Variants in MYO9A observed in about 807,000 individuals in gnomAD.
The protein encoded by MYO9A is myosin IXA, also known as unconventional myosin-IXa.
A neutral mutation model predicts 293.3 loss-of-function variants in MYO9A; 103 were observed. The observed-to-expected ratio is 0.35, with a 90% CI of 0.30 to 0.41. The LOEUF is 0.41. Ranked by LOEUF, MYO9A falls within the 10% of genes least tolerant of loss-of-function variation. MYO9A has a pLI of 1.00. For missense variants in MYO9A, 2,685 were observed against 3,033.0 expected (o/e 0.89, Z 2.69); for synonymous variants, 1,001 against 1,035.7 (o/e 0.97, Z 0.64).
At chr15:72,049,607 A>G (rs1260108724) in intron 1 of MYO9A, among the ~76,000 whole-genome samples, 1 of 152,234 alleles carries the variant, frequency 6.6e-6, no homozygotes. Flanking sequence ...CAGGCAAGTA[A>G]GCATTACTGC....
chr15:72,024,911 A>C (rs898605695), intron 4 of MYO9A, among the ~76,000 whole-genome samples: 1 of 152,214 alleles, frequency 6.6e-6, no homozygotes, highest in East Asian at 1.9e-4. Flanking sequence ...ATAGAAGAAC[A>C]GAAGAACAAA....
intron 1 of MYO9A, among the ~76,000 whole-genome samples, chr15:72,103,423 A>AAGC (rs1171430518): frequency 6.8e-6 from 1 of 146,084 alleles, no homozygotes; most frequent in East Asian, 2.0e-4. Context: ...GCAGCAGCAG[A>AAGC]AGCAGCAGCA....
chr15:71,994,670 A>C, intron 9 of MYO9A, 85 bp from the exon 10 acceptor site: 1 of 662,116 alleles, frequency 1.5e-6, no homozygotes, highest in Non-Finnish European at 2.5e-6. Context: ...CATTCAAGAA[A>C]GAAACTTACT....
intron 39 of MYO9A, among the ~76,000 whole-genome samples, chr15:71,835,461 T>C (rs1184664858): frequency 6.6e-6 from 1 of 151,974 alleles, no homozygotes; most frequent in Non-Finnish European, 1.5e-5. Context: ...AGATGAAAAA[T>C]ACCAAAATCA....
intron 1 of MYO9A, among the ~76,000 whole-genome samples, chr15:72,088,764 G>A (rs1267225264): frequency 2.0e-5 from 3 of 152,150 alleles, no homozygotes; most frequent in African/African-American, 7.2e-5. Context: ...CTGACTGACA[G>A]AGACGTTCCC....
intron 1 of MYO9A, among the ~76,000 whole-genome samples, chr15:72,103,426 C>CAGCAGCAGCAGAAGCAGA (rs1240692645): frequency 3.5e-5 from 5 of 142,714 alleles, no homozygotes; most frequent in African/African-American, 5.2e-5. Flanking sequence ...GCAGCAGAAG[C>CAGCAGCAGCAGAAGCAGA]AGCAGCAGCA....
chr15:72,093,494 C>T (rs1312515100), intron 1 of MYO9A, among the ~76,000 whole-genome samples: 1 of 152,160 alleles, frequency 6.6e-6, no homozygotes, highest in Non-Finnish European at 1.5e-5. Context: ...CGAGATCACA[C>T]CACTGCACTC....
At position 71,897,643 on chromosome 15, in the gene MYO9A, T is replaced by C. The variant is rs780111182; in HGVS notation, c.4860A>G (p.Leu1620=). The C allele has an allele frequency of 1.4e-5, 22 of 1,614,184 alleles. No individual in the cohort carries two copies. Among genetic ancestry groups the C allele is most frequent in the Non-Finnish European group, 1.9e-5 (22 of 1,180,010 alleles). Residue 1620 remains leucine, a synonymous_variant, in exon 25 of 42, where the codon TTA becomes TTG. Transcript: ENST00000356056. ...SPCQSSTVKE[L]SKTDRMGTQL... is the part of the protein sequence containing the mutation. ...GGGTGCCCATTCTGTCTGTCTTGGA[T>C]AATTCCTTGACAGTACTAGATTGGC...
intron 1 of MYO9A, among the ~76,000 whole-genome samples, chr15:72,047,689 A>G (rs900890412): frequency 2.0e-5 from 3 of 148,870 alleles, no homozygotes; most frequent in African/African-American, 7.5e-5. Flanking sequence ...TGTCATCAAT[A>G]TTTACCTTAT....
intron 18 of MYO9A, among the ~76,000 whole-genome samples, chr15:71,925,015 T>G (rs1279386462): frequency 1.3e-5 from 2 of 152,138 alleles, no homozygotes; most frequent in Non-Finnish European, 2.9e-5. Context: ...ATATCTTGAG[T>G]GCAGTTTAAC....
At chr15:72,033,883 A>C (rs2077955838) in intron 2 of MYO9A, among the ~76,000 whole-genome samples, 1 of 152,194 alleles carries the variant, frequency 6.6e-6, no homozygotes, top group Admixed American at 6.5e-5. Flanking sequence ...GAAGAAACAA[A>C]ACTAGAAAAG....
chr15:71,842,859 C>CA (rs35367150), intron 39 of MYO9A, among the ~76,000 whole-genome samples: 26,946 of 118,046 alleles, frequency 0.23, 2,879 homozygotes, highest in East Asian at 0.45. Context: ...GACTCCACCT[C>CA]AAAAAAAAAA....
chr15:71,927,352 T>A (rs1051902223), intron 18 of MYO9A, among the ~76,000 whole-genome samples: 3 of 152,208 alleles, frequency 2.0e-5, no homozygotes, highest in African/African-American at 7.2e-5. Flanking sequence ...CAGAAGCTTT[T>A]GAGTTTGATG....
intron 32 of MYO9A, among the ~76,000 whole-genome samples, chr15:71,872,738 T>A (rs150757184): frequency 1.4e-3 from 215 of 152,304 alleles, no homozygotes; most frequent in African/African-American, 4.5e-3. Flanking sequence ...ATCACTGCTA[T>A]CAGTATACTC....
intron 2 of MYO9A, 92 bp from the exon 3 acceptor site, chr15:72,032,680 A>G: frequency 1.4e-6 from 1 of 712,490 alleles, no homozygotes; most frequent in Middle Eastern, 2.9e-4. Context: ...GTCAGCTCAG[A>G]GACAAAATGT....
intron 39 of MYO9A, among the ~76,000 whole-genome samples, chr15:71,845,722 G>A (rs1201087336): frequency 2.0e-5 from 3 of 152,118 alleles, no homozygotes; most frequent in Non-Finnish European, 4.4e-5. Flanking sequence ...TGAACAAGAG[G>A]TGTAAATTAA....
At position 71,916,352 on chromosome 15, in the gene MYO9A, A is replaced by G. The variant is rs1248027888; in HGVS notation, c.2685+18T>C. 1 of 1,604,300 alleles carries G rather than the reference A, an allele frequency of 6.2e-7. No homozygotes were observed. Among genetic ancestry groups the G allele is most frequent in the South Asian group, 1.1e-5 (1 of 88,494 alleles). On this transcript the variant is annotated intron_variant, in intron 19 of 41. Transcript: ENST00000356056. ...AAGATACAGATTCTTATTTGTTTTA[A>G]GCGAAACAAGAAATAACCTGAAACT...
intron 2 of MYO9A, among the ~76,000 whole-genome samples, chr15:72,042,049 C>T (rs1167418051): frequency 6.6e-6 from 1 of 150,456 alleles, no homozygotes; most frequent in Non-Finnish European, 1.5e-5. Flanking sequence ...CACAACTCTT[C>T]CAAAAATACG....
Position 72,046,594 on chromosome 15 carries a change from A to G in MYO9A, c.-31T>C, listed in dbSNP as rs1166521036. ...ATCCTGTCCCATCAGCATGGATAGT[A>G]TATGTTCAAAGTCGTGCAAACCATT... On this transcript the variant is annotated 5_prime_UTR_variant, in exon 2 of 42. Coordinates refer to ENST00000356056, the MANE Select transcript of MYO9A (RefSeq NM_006901.4). 1.3e-6 allele frequency: 2 copies of G among 1,523,066 alleles called. No individual in the cohort carries two copies. Among genetic ancestry groups the G allele is most frequent in the Non-Finnish European group, 1.8e-6 (2 of 1,137,104 alleles). The allele number at this position is 1,523,066 out of a possible 1,614,324, so 94.3% of individuals were successfully genotyped here.
Sources: gnomAD v4.1 joint callset for allele counts (sites outside exome capture counted in the v4.1 genomes callset) on GRCh38, gnomAD v4.1.1 for gene constraint, MANE v1.5 for transcripts, NCBI Gene and HGNC (gene_info 2026-07-23, HGNC 2026-07-21) for gene names.